Variants in COPZ1 observed in about 807,000 individuals in gnomAD.
COPZ1 encodes the protein coat protein complex I subunit zeta 1, also known as coatomer subunit zeta-1.
A neutral mutation model predicts 31.7 loss-of-function variants in COPZ1; 4 were observed. The observed-to-expected ratio is 0.13, with a 90% CI of 0.06 to 0.29. The LOEUF is 0.29. Ranked by LOEUF, COPZ1 falls within the 10% of genes least tolerant of loss-of-function variation. COPZ1 has a pLI of 1.00. For missense variants in COPZ1, 156 were observed against 211.5 expected, an observed-to-expected ratio of 0.74 and a Z score of 1.63; for synonymous variants, 74 against 79.0, an observed-to-expected ratio of 0.94 and a Z score of 0.33.
chr12:54,331,317 A>G (rs566510707), intron 1 of COPZ1, among the ~76,000 whole-genome samples: 8 of 151,042 alleles, frequency 5.3e-5, no homozygotes, highest in Non-Finnish European at 1.2e-4. Context: ...AGTAGTTGGG[A>G]TTACAGGCCC....
Position 54,343,328 on chromosome 12 carries a change from C to T in COPZ1, c.261+12C>T. On this transcript the variant is annotated intron_variant, in intron 4 of 8. Transcript: ENST00000262061. ...CCTATGAAAATGAGGTGAGAATCCC[C>T]ACCCCTCTTTGCTATTTCTGATCCT... The T allele has an allele frequency of 1.9e-6, 3 of 1,597,056 alleles. No homozygotes were observed. Among genetic ancestry groups the T allele is most frequent in the Non-Finnish European group, 2.6e-6 (3 of 1,164,562 alleles).
intron 1 of COPZ1, among the ~76,000 whole-genome samples, chr12:54,331,069 T>C (rs1158174952): frequency 6.6e-6 from 1 of 152,184 alleles, no homozygotes; most frequent in East Asian, 1.9e-4. Flanking sequence ...CTTCTGGTGT[T>C]TGACCACACC....
At chr12:54,349,951 G>A (rs1374310177) in intron 8 of COPZ1, 174 of 593,208 alleles carry the variant, frequency 2.9e-4, no homozygotes, top group Non-Finnish European at 5.7e-5. Context: ...GCAGAGGCTT[G>A]CCTTAAGCAG....
intron 3 of COPZ1, 93 bp from the exon 4 acceptor site, chr12:54,343,132 C>T (rs899690320): frequency 3.5e-5 from 34 of 968,116 alleles, no homozygotes; most frequent in South Asian, 5.3e-5. Context: ...GCTGGGATTA[C>T]AGGCATGAGC....
In COPZ1 at chr12:54,325,840, G is replaced by A. The variant is rs188843358; in HGVS notation, c.18+659G>A. On this transcript the variant is annotated intron_variant, in intron 1 of 8. Coordinates refer to ENST00000262061, the MANE Select transcript of COPZ1 (RefSeq NM_016057.3). ...TTTTTTTTTTTTTTTTTTTGAGACC[G>A]AGCCTTGCTCTGTCACCCAGGCTGG... 6.5e-3 allele frequency among the ~76,000 whole-genome samples: 842 copies of A among 128,614 alleles called. 32 individuals carry two copies. Among genetic ancestry groups the A allele is most frequent in the Admixed American group, 0.065 (760 of 11,716 alleles). The allele number at this position is 128,614 out of a possible 152,430, so 84.4% of individuals were successfully genotyped here. A position where few individuals can be genotyped will look rare whatever the true frequency, so the allele number is the denominator to read the frequency against.
At chr12:54,339,088 C>G (rs1364995860) in intron 1 of COPZ1, among the ~76,000 whole-genome samples, 1 of 151,974 alleles carries the variant, frequency 6.6e-6, no homozygotes, top group South Asian at 2.1e-4. Context: ...AAGCAACAGC[C>G]TTGTCTCAGC....
intron 2 of COPZ1, among the ~76,000 whole-genome samples, chr12:54,340,931 C>G (rs1953963057): frequency 6.6e-6 from 1 of 152,102 alleles, no homozygotes; most frequent in African/African-American, 2.4e-5. Flanking sequence ...AAACTCCTGA[C>G]CTCATGATTC....
chr12:54,332,820 A>C (rs1293656768), intron 1 of COPZ1, among the ~76,000 whole-genome samples: 1 of 151,820 alleles, frequency 6.6e-6, no homozygotes, highest in Non-Finnish European at 1.5e-5. Flanking sequence ...TAGTTTTCTC[A>C]ATCATATTTA....
chr12:54,343,702 T>A (rs1954011842), intron 4 of COPZ1, among the ~76,000 whole-genome samples: 1 of 152,186 alleles, frequency 6.6e-6, no homozygotes, highest in Admixed American at 6.5e-5. Context: ...AAACCATACA[T>A]TCTGAATGGA....
chr12:54,332,734 TAAAA>T (rs1208909795), intron 1 of COPZ1, among the ~76,000 whole-genome samples: 1 of 140,302 alleles, frequency 7.1e-6, no homozygotes, highest in Admixed American at 7.2e-5. Context: ...AACTCAGTCT[TAAAA>T]AAAAAAAGGG....
chr12:54,350,569 T>C lies in COPZ1; in HGVS notation c.*46T>C, dbSNP rs1489049976. On this transcript the variant is annotated 3_prime_UTR_variant, in exon 9 of 9. Coordinates refer to ENST00000262061, the MANE Select transcript of COPZ1 (RefSeq NM_016057.3). ...CTTCATCCTCTTCAAAAAATTTGCA[T>C]GTCTGCTGTGAATTTTCATCTAGTT... 2 of 1,482,158 alleles carry C rather than the reference T, an allele frequency of 1.3e-6. No homozygotes were observed. Among genetic ancestry groups the C allele is most frequent in the Non-Finnish European group, 1.9e-6 (2 of 1,059,672 alleles). 91.8% of individuals were successfully genotyped at this position (1,482,158 alleles called of 1,614,324 possible). A position where few individuals can be genotyped will look rare whatever the true frequency, so the allele number is the denominator to read the frequency against.
intron 1 of COPZ1, among the ~76,000 whole-genome samples, chr12:54,330,956 C>G (rs1180248010): frequency 1.3e-5 from 2 of 152,122 alleles, no homozygotes; most frequent in African/African-American, 4.8e-5. Context: ...GGCAAGGGCC[C>G]TCTCACATTC....
At chr12:54,327,937 G>T (rs1488039706) in intron 1 of COPZ1, among the ~76,000 whole-genome samples, 1 of 151,888 alleles carries the variant, frequency 6.6e-6, no homozygotes, top group Non-Finnish European at 1.5e-5. Context: ...TTTAACAATG[G>T]GCCTGTGTGT....
chr12:54,342,322 G>C (rs376865585), intron 3 of COPZ1, 35 bp downstream of exon 3: 21 of 1,494,270 alleles, frequency 1.4e-5, no homozygotes, highest in Middle Eastern at 3.4e-4. Flanking sequence ...ACCCGTGCTG[G>C]GGGGAACCAT....
At chr12:54,343,654 G>C (rs1954010748) in intron 4 of COPZ1, among the ~76,000 whole-genome samples, 1 of 152,190 alleles carries the variant, frequency 6.6e-6, no homozygotes, top group African/African-American at 2.4e-5. Flanking sequence ...ATACCTGACT[G>C]AGTTTGAGCC....
intron 1 of COPZ1, among the ~76,000 whole-genome samples, chr12:54,333,078 T>TG (rs1469696092): frequency 6.6e-6 from 1 of 152,160 alleles, no homozygotes; most frequent in Non-Finnish European, 1.5e-5. Flanking sequence ...TCTTGCTCTG[T>TG]CATCCAGGCT....
At chr12:54,328,108 A>C (rs191468937) in intron 1 of COPZ1, among the ~76,000 whole-genome samples, 8 of 146,420 alleles carry the variant, frequency 5.5e-5, no homozygotes, top group Non-Finnish European at 1.2e-4. Context: ...CCATGTCTCT[A>C]CTAAAAATAC....
intron 1 of COPZ1, among the ~76,000 whole-genome samples, chr12:54,336,055 T>C (rs1192405709): frequency 6.6e-6 from 1 of 152,206 alleles, no homozygotes; most frequent in African/African-American, 2.4e-5. Flanking sequence ...CTTGGTTTTT[T>C]CCCCTAAATG....
At chr12:54,340,988 C>T (rs1373674228) in intron 2 of COPZ1, among the ~76,000 whole-genome samples, 1 of 152,160 alleles carries the variant, frequency 6.6e-6, no homozygotes, top group Non-Finnish European at 1.5e-5. Context: ...TGTGAGCCAC[C>T]ACACCCGGCC....
Sources: allele counts gnomAD v4.1 joint callset (sites outside exome capture counted in the v4.1 genomes callset), GRCh38; gene constraint gnomAD v4.1.1; transcripts MANE v1.5; gene names NCBI Gene and HGNC (gene_info 2026-07-23, HGNC 2026-07-21).